Variants in SLIT2 observed in about 807,000 individuals in gnomAD.
The protein encoded by SLIT2 is slit guidance ligand 2, also known as slit homolog 2 protein.
Under a neutral mutation model 185.7 loss-of-function variants are expected in SLIT2, and 41 were observed. The ratio of observed to expected loss-of-function variants is 0.22; its 90% CI spans 0.17 to 0.29. SLIT2 has a LOEUF of 0.29. Among genes scored for constraint, SLIT2 ranks in the 10% least tolerant of loss-of-function variants. SLIT2 has a pLI of 1.00. For missense variants in SLIT2, 1,571 were observed against 1,909.0 expected (o/e 0.82, Z 3.30); for synonymous variants, 693 against 680.2 (o/e 1.02, Z -0.29).
chr4:20,252,699 C>G lies in SLIT2; in HGVS notation c.-1117C>G, dbSNP rs1722137239. ...CTGGGAGACGAGCGGGGTTGACACG[C>G]GCGCACACACTACTGCCATTCAGCT... On this transcript the variant is annotated 5_prime_UTR_variant, in exon 1 of 37. Coordinates refer to ENST00000504154, the MANE Select transcript of SLIT2 (RefSeq NM_004787.4). Among the ~76,000 whole-genome samples the G allele has an allele frequency of 1.3e-5, 2 of 152,226 alleles. No individual in the cohort carries two copies. Among genetic ancestry groups the G allele is most frequent in the Admixed American group, 1.3e-4 (2 of 15,290 alleles).
intron 4 of SLIT2, among the ~76,000 whole-genome samples, chr4:20,329,885 G>A (rs1015661477): frequency 2.0e-5 from 3 of 152,038 alleles, no homozygotes; most frequent in Non-Finnish European, 4.4e-5. Flanking sequence ...AGTACCATGG[G>A]CTAGTTTTCT....
intron 29 of SLIT2, among the ~76,000 whole-genome samples, chr4:20,570,980 C>T (rs951283485): frequency 6.6e-6 from 1 of 151,944 alleles, no homozygotes; most frequent in African/African-American, 2.4e-5. Context: ...CCTCCCTACA[C>T]CTGCTCCTCT....
At chr4:20,483,749 C>T (rs1375078233) in intron 6 of SLIT2, among the ~76,000 whole-genome samples, 4 of 151,934 alleles carry the variant, frequency 2.6e-5, no homozygotes, top group Admixed American at 6.6e-5. Context: ...TTAGAATACT[C>T]ATTACAAAGA....
At chr4:20,457,469 C>A (rs935590688) in intron 4 of SLIT2, among the ~76,000 whole-genome samples, 1 of 151,808 alleles carries the variant, frequency 6.6e-6, no homozygotes, top group East Asian at 1.9e-4. Context: ...ATGTGCAAAC[C>A]CTTGGCAAGA....
intron 9 of SLIT2, among the ~76,000 whole-genome samples, chr4:20,506,519 T>A (rs778737000): frequency 2.0e-5 from 3 of 152,008 alleles, no homozygotes; most frequent in Non-Finnish European, 2.9e-5. Flanking sequence ...CCCTTTCTTT[T>A]TACCTCAACC....
chr4:20,380,038 A>T (rs73238766), intron 4 of SLIT2, among the ~76,000 whole-genome samples: 31,719 of 152,030 alleles, frequency 0.21, 3,677 homozygotes, highest in Non-Finnish European at 0.28. Flanking sequence ...ACTGTGATGA[A>T]ACTAGGTAAG....
chr4:20,456,390 A>G (rs1452318865), intron 4 of SLIT2, among the ~76,000 whole-genome samples: 1 of 151,804 alleles, frequency 6.6e-6, no homozygotes, highest in Non-Finnish European at 1.5e-5. Context: ...ATAATTGTCC[A>G]TTTCTTCTTA....
chr4:20,598,144 A>C lies in SLIT2; in HGVS notation c.3562-121A>C, dbSNP rs1334562667. On this transcript the variant is annotated intron_variant, in intron 32 of 36. Coordinates refer to ENST00000504154, the MANE Select transcript of SLIT2 (RefSeq NM_004787.4). ...GGAATAATTTCAGCATCGTTTTCTC[A>C]TAGCCATCAGGAAAACATAAACCAT... is the stretch of plus-strand genomic sequence containing the variant. 3 of 837,590 alleles carry C rather than the reference A, an allele frequency of 3.6e-6. No homozygotes were observed. In the Admixed American group the frequency reaches 8.4e-5, roughly 23 times the overall value. 51.9% of individuals were successfully genotyped at this position (837,590 alleles called of 1,614,324 possible).
chr4:20,545,180 A>G (rs1203798609), intron 21 of SLIT2, among the ~76,000 whole-genome samples: 1 of 152,096 alleles, frequency 6.6e-6, no homozygotes, highest in East Asian at 1.9e-4. Flanking sequence ...GAACGGCCAC[A>G]TGTTTAATGT....
At chr4:20,605,124 G>A (rs531641287) in intron 33 of SLIT2, among the ~76,000 whole-genome samples, 96 of 152,166 alleles carry the variant, frequency 6.3e-4, no homozygotes, top group Admixed American at 9.8e-4. Context: ...GTGAGCCACC[G>A]CACCCAGCCC....
Position 20,254,234 on chromosome 4 carries a change from C to A in SLIT2, c.179+240C>A, listed in dbSNP as rs924578035. Among the ~76,000 whole-genome samples, 4 of 152,178 alleles carry A rather than the reference C, an allele frequency of 2.6e-5. No individual in the cohort carries two copies. Among genetic ancestry groups the A allele is most frequent in the Non-Finnish European group, 5.9e-5 (4 of 68,036 alleles). On this transcript the variant is annotated intron_variant, in intron 1 of 36. Coordinates refer to ENST00000504154, the MANE Select transcript of SLIT2 (RefSeq NM_004787.4). This position sits in a 1 kb window ranked among gnomAD's most constrained non-coding sequence, Gnocchi z 5.1. Reference sequence around the variant, plus strand: ...TCCCTCCCCTGCTCTCGTCCCGCCACTCGCAGCTCCTTGCTGGCTAGTTCT... The same window carrying A: ...TCCCTCCCCTGCTCTCGTCCCGCCAATCGCAGCTCCTTGCTGGCTAGTTCT...
intron 1 of SLIT2, chr4:20,255,181 C>T (rs813216): frequency 0.093 from 36,026 of 388,788 alleles, 2,003 homozygotes; most frequent in Non-Finnish European, 0.11. Flanking sequence ...GCCTCTTTGC[C>T]CCCGGGGTGT....
chr4:20,600,062 A>G (rs571532692), intron 33 of SLIT2, among the ~76,000 whole-genome samples: 1 of 152,154 alleles, frequency 6.6e-6, no homozygotes, highest in African/African-American at 2.4e-5. Flanking sequence ...TAGTGCCAAG[A>G]TTTTAGATAT....
chr4:20,394,899 T>C (rs1384450891), intron 4 of SLIT2: 1 of 152,066 alleles, frequency 6.6e-6, no homozygotes, highest in Non-Finnish European at 1.5e-5. Flanking sequence ...AATTTCTTTT[T>C]CTTTATTTAT....
At chr4:20,491,409 T>C (rs918015216) in intron 8 of SLIT2, among the ~76,000 whole-genome samples, 1 of 152,192 alleles carries the variant, frequency 6.6e-6, no homozygotes, top group Non-Finnish European at 1.5e-5. Flanking sequence ...TTTAATCTTA[T>C]TAGGAATGAA....
intron 3 of SLIT2, among the ~76,000 whole-genome samples, chr4:20,264,542 AAAGT>A (rs879261690): frequency 6.6e-5 from 10 of 151,924 alleles, no homozygotes; most frequent in African/African-American, 9.7e-5. Context: ...AAAGTCGCAA[AAAGT>A]AAGAGACTAT....
At chr4:20,584,447 T>A (rs545442254) in intron 29 of SLIT2, among the ~76,000 whole-genome samples, 1 of 152,266 alleles carries the variant, frequency 6.6e-6, no homozygotes, top group African/African-American at 2.4e-5. Context: ...CAAATCAGGG[T>A]AGTTATGTGA....
At chr4:20,400,180 G>A (rs1454698901) in intron 4 of SLIT2, among the ~76,000 whole-genome samples, 2 of 151,796 alleles carry the variant, frequency 1.3e-5, no homozygotes, top group Non-Finnish European at 2.9e-5. Flanking sequence ...ATGAGCATAT[G>A]TATAAATCCT....
At chr4:20,316,201 A>G (rs190787115) in intron 4 of SLIT2, among the ~76,000 whole-genome samples, 7 of 152,198 alleles carry the variant, frequency 4.6e-5, no homozygotes, top group Admixed American at 3.3e-4. Flanking sequence ...TCTTTTACCT[A>G]CAAGGAGTTT....
Sources: allele counts gnomAD v4.1 joint callset (sites outside exome capture counted in the v4.1 genomes callset), GRCh38; gene constraint gnomAD v4.1.1; non-coding constraint Gnocchi (gnomAD v3.1); transcripts MANE v1.5; gene names NCBI Gene and HGNC (gene_info 2026-07-23, HGNC 2026-07-21).